PRKCE: variants seen among roughly 807,000 people sequenced by gnomAD.
PRKCE encodes the protein protein kinase C epsilon.
Under a neutral mutation model 85.4 loss-of-function variants are expected in PRKCE, and 16 were observed. That is an observed-to-expected ratio of 0.19 (90% CI 0.13 to 0.28). The LOEUF (loss-of-function observed/expected upper bound fraction) is 0.28, where lower values mean the gene tolerates loss of function less well. Ranked by LOEUF, PRKCE falls within the 10% of genes least tolerant of loss-of-function variation. The pLI, the probability that PRKCE is intolerant of heterozygous loss-of-function variation, is 1.00. For missense variants in PRKCE, 573 were observed against 975.2 expected (o/e 0.59, Z 5.49); for synonymous variants, 388 against 371.5 (o/e 1.04, Z -0.51).
intron 2 of PRKCE, among the ~76,000 whole-genome samples, chr2:45,953,426 G>GCT (rs1414614728): frequency 1.3e-5 from 2 of 152,094 alleles, no homozygotes; most frequent in Non-Finnish European, 2.9e-5. Flanking sequence ...CATCCTCCTT[G>GCT]CTCTCTCTCT....
chr2:45,972,097 C>T (rs145880044), intron 2 of PRKCE, among the ~76,000 whole-genome samples: 204 of 152,286 alleles, frequency 1.3e-3, no homozygotes, highest in African/African-American at 4.6e-3. Context: ...AACAAGCGTT[C>T]GCTCTTCTCC....
intron 1 of PRKCE, among the ~76,000 whole-genome samples, chr2:45,751,175 T>C (rs566683680): frequency 6.6e-6 from 1 of 152,218 alleles, no homozygotes; most frequent in South Asian, 2.1e-4. Flanking sequence ...GGCAAAGCTG[T>C]GCTCATGTCT....
At chr2:45,771,839 C>T (rs1242374256) in intron 1 of PRKCE, among the ~76,000 whole-genome samples, 1 of 152,028 alleles carries the variant, frequency 6.6e-6, no homozygotes, top group Non-Finnish European at 1.5e-5. Flanking sequence ...TCCCTGGGGT[C>T]CCAAGTCTTC....
rs112271742 is a variant in PRKCE at position 45,949,792 on chromosome 2, T to G, written c.413-26637T>G. Among the ~76,000 whole-genome samples, 876 of 152,246 alleles carry G rather than the reference T, an allele frequency of 5.8e-3. 6 individuals are homozygous for G. The highest frequency in any genetic ancestry group is 0.02 in the African/African-American group (828 of 41,566). On this transcript the variant is annotated intron_variant, in intron 2 of 14. Coordinates refer to ENST00000306156, the MANE Select transcript of PRKCE (RefSeq NM_005400.3). ...TGAACCTCCTGTTTCTCATCTCTGTTCTATCCCTTTGGTCTGTCCCGCTGA... is the reference window on the plus strand; with the variant it reads ...TGAACCTCCTGTTTCTCATCTCTGTGCTATCCCTTTGGTCTGTCCCGCTGA...
chr2:45,893,753 G>T (rs890845767), intron 2 of PRKCE, among the ~76,000 whole-genome samples: 3 of 152,108 alleles, frequency 2.0e-5, no homozygotes, highest in Non-Finnish European at 4.4e-5. Flanking sequence ...TGATCCCCCT[G>T]CAAATACTCA....
At chr2:46,150,631 G>A (rs1026968201) in intron 12 of PRKCE, among the ~76,000 whole-genome samples, 10 of 152,192 alleles carry the variant, frequency 6.6e-5, no homozygotes, top group South Asian at 2.1e-4. Context: ...GCCCTGGACT[G>A]TGTGAGATGG....
chr2:45,675,196 A>T (rs1459413639), intron 1 of PRKCE: 2 of 152,060 alleles, frequency 1.3e-5, no homozygotes, highest in African/African-American at 4.8e-5. Flanking sequence ...ACAAGAAAAC[A>T]CTCTGTAGAT....
chr2:46,046,985 A>C (rs1461372698), intron 10 of PRKCE, among the ~76,000 whole-genome samples: 2 of 152,160 alleles, frequency 1.3e-5, no homozygotes, highest in African/African-American at 4.8e-5. Context: ...GGCTTTCCTC[A>C]ACTTAGTGGG....
chr2:45,958,190 C>CAAA (rs60711691), intron 2 of PRKCE, among the ~76,000 whole-genome samples: 31 of 110,018 alleles, frequency 2.8e-4, no homozygotes, highest in African/African-American at 7.7e-4. Flanking sequence ...ATTAGGCCCG[C>CAAA]AAAAAAAAAA....
chr2:45,949,962 T>A (rs1339942153), intron 2 of PRKCE, among the ~76,000 whole-genome samples: 4 of 152,202 alleles, frequency 2.6e-5, no homozygotes, highest in Non-Finnish European at 1.5e-5. Flanking sequence ...TTGGCCATTT[T>A]TCTTCTGTGA....
chr2:45,657,821 C>T (rs1467379225), intron 1 of PRKCE, among the ~76,000 whole-genome samples: 1 of 152,128 alleles, frequency 6.6e-6, no homozygotes, highest in African/African-American at 2.4e-5. Flanking sequence ...AGAGGTTAGG[C>T]TCTGAGGCCG....
chr2:46,086,216 C>T lies in PRKCE; in HGVS notation c.1446C>T (p.Leu482=). Residue 482 remains leucine, a synonymous_variant, in exon 11 of 15, where the codon CTC becomes CTT. Coordinates refer to ENST00000306156, the MANE Select transcript of PRKCE (RefSeq NM_005400.3). ...LYCCFQTKDR[L]FFVMEYVNGG... is the part of the protein sequence containing the mutation. The stretch of plus-strand genomic sequence containing the variant: ...TTCTTCTCTCCTTTCAGGACCGCCT[C>T]TTTTTCGTCATGGAATATGTAAATG... The T allele has an allele frequency of 1.3e-6, 2 of 1,599,608 alleles. No homozygotes were observed. The highest frequency in any genetic ancestry group is 1.7e-6 in the Non-Finnish European group (2 of 1,179,912).
chr2:45,668,136 T>A, intron 1 of PRKCE, among the ~76,000 whole-genome samples: 1 of 151,850 alleles, frequency 6.6e-6, no homozygotes, highest in Non-Finnish European at 1.5e-5. Flanking sequence ...AGGTCAGGAG[T>A]TCGAGACCAG....
At chr2:45,938,302 T>C (rs1234779353) in intron 2 of PRKCE, among the ~76,000 whole-genome samples, 1 of 152,148 alleles carries the variant, frequency 6.6e-6, no homozygotes, top group African/African-American at 2.4e-5. Flanking sequence ...GGCAATTCAA[T>C]GCATCTTGTG....
chr2:46,150,155 A>G (rs1221341851), intron 12 of PRKCE, among the ~76,000 whole-genome samples: 2 of 152,172 alleles, frequency 1.3e-5, no homozygotes, highest in Non-Finnish European at 2.9e-5. Flanking sequence ...CAGCCAGAAA[A>G]GATGTCTTGT....
At chr2:45,937,468 T>A (rs1272848255) in intron 2 of PRKCE, among the ~76,000 whole-genome samples, 1 of 152,160 alleles carries the variant, frequency 6.6e-6, no homozygotes, top group African/African-American at 2.4e-5. Context: ...ATCCCAGCAC[T>A]TTGGGAGGCT....
chr2:46,102,796 G>A (rs1671362801), intron 11 of PRKCE, among the ~76,000 whole-genome samples: 1 of 152,144 alleles, frequency 6.6e-6, no homozygotes, highest in Admixed American at 6.5e-5. Flanking sequence ...ATACCTCAGA[G>A]GTGAAGTCTT....
At chr2:45,917,466 C>T (rs1376257011) in intron 2 of PRKCE, among the ~76,000 whole-genome samples, 2 of 152,214 alleles carry the variant, frequency 1.3e-5, no homozygotes, top group Admixed American at 1.3e-4. Flanking sequence ...TTCACAAACC[C>T]TGAGCTAGAC....
At chr2:45,655,979 C>A (rs970643923) in intron 1 of PRKCE, among the ~76,000 whole-genome samples, 1 of 151,898 alleles carries the variant, frequency 6.6e-6, no homozygotes, top group African/African-American at 2.4e-5. Flanking sequence ...GAGCAGTGTT[C>A]CTGGCATGGC....
Sources: allele counts gnomAD v4.1 joint callset (sites outside exome capture counted in the v4.1 genomes callset), GRCh38; gene constraint gnomAD v4.1.1; transcripts MANE v1.5; gene names NCBI Gene and HGNC (gene_info 2026-07-23, HGNC 2026-07-21).